The following KIAA1217 variants were observed in gnomAD, a reference collection of about 807,000 sequenced individuals.
KIAA1217 encodes the protein sickle tail protein homolog.
In KIAA1217, 88 loss-of-function variants were observed where a neutral mutation model predicts 163.9. The ratio of observed to expected loss-of-function variants is 0.54; its 90% confidence interval spans 0.45 to 0.64. The LOEUF is 0.64. KIAA1217 is among the 30% of genes least tolerant of loss of function. KIAA1217 has a pLI of 0.00. For missense variants in KIAA1217, 2,372 were observed against 2,475.0 expected (o/e 0.96, Z 0.88); for synonymous variants, 903 against 923.1 (o/e 0.98, Z 0.39).
chr10:24,341,722 T>G (rs1213397445), intron 2 of KIAA1217, among the ~76,000 whole-genome samples: 1 of 152,184 alleles, frequency 6.6e-6, no homozygotes, highest in East Asian at 1.9e-4. Flanking sequence ...TTTCAGGAGA[T>G]CTAGAATTTC....
chr10:23,977,987 C>T (rs1845609339), intron 1 of KIAA1217, among the ~76,000 whole-genome samples: 1 of 152,172 alleles, frequency 6.6e-6, no homozygotes, highest in Admixed American at 6.5e-5. Flanking sequence ...TTTGCAGCTC[C>T]TAGTAATTGT....
Position 24,329,124 on chromosome 10 carries a change from G to GTA in KIAA1217, c.355-51736_355-51735dup, listed in dbSNP as rs1049034060. On this transcript the variant is annotated intron_variant, in intron 2 of 20. Transcript: ENST00000376454. ...AATTAGTATATAATTATACTGGAGT[G>GTA]TATATATATACTATAAATATATACA... Among the ~76,000 whole-genome samples the GTA allele has an allele frequency of 1.3e-4, 19 of 146,524 alleles. No homozygotes were observed. In the South Asian group the frequency reaches 1.7e-3, roughly 13 times the overall value.
intron 1 of KIAA1217, among the ~76,000 whole-genome samples, chr10:23,931,006 CT>C (rs759966470): frequency 2.0e-5 from 3 of 152,142 alleles, no homozygotes; most frequent in Non-Finnish European, 4.4e-5. Flanking sequence ...TCTGGTGGAA[CT>C]ATCATCATAT....
chr10:24,068,258 G>A (rs1335289289), intron 2 of KIAA1217, among the ~76,000 whole-genome samples: 3 of 152,168 alleles, frequency 2.0e-5, no homozygotes, highest in African/African-American at 4.8e-5. Flanking sequence ...GTAGACTGGA[G>A]CTGTTTCTAT....
chr10:24,431,086 T>C (rs1186763243), intron 3 of KIAA1217, among the ~76,000 whole-genome samples: 4 of 152,224 alleles, frequency 2.6e-5, no homozygotes, highest in Non-Finnish European at 5.9e-5. Flanking sequence ...ATCAGCTTGC[T>C]CTTGTCTACT....
intron 2 of KIAA1217, among the ~76,000 whole-genome samples, chr10:24,079,636 T>A (rs946001163): frequency 2.6e-5 from 4 of 152,176 alleles, no homozygotes; most frequent in Non-Finnish European, 5.9e-5. Context: ...GCATAAGACA[T>A]TATCCATTCC....
At chr10:24,013,913 C>T (rs1589234407) in intron 2 of KIAA1217, among the ~76,000 whole-genome samples, 1 of 152,078 alleles carries the variant, frequency 6.6e-6, no homozygotes, top group African/African-American at 2.4e-5. Context: ...CGCCAAGAGC[C>T]AGCACCTTAG....
intron 2 of KIAA1217, among the ~76,000 whole-genome samples, chr10:24,342,287 G>A (rs1239738704): frequency 2.6e-5 from 4 of 152,188 alleles, no homozygotes; most frequent in Admixed American, 2.6e-4. Context: ...TTTAGTAGAA[G>A]ACTGTGACAA....
intron 3 of KIAA1217, among the ~76,000 whole-genome samples, chr10:24,381,701 T>C (rs1030638555): frequency 1.5e-4 from 23 of 152,136 alleles, no homozygotes; most frequent in Admixed American, 5.2e-4. Context: ...CTATAGGAAA[T>C]TGTGAGGAAC....
chr10:24,387,242 G>C (rs1246431728), intron 3 of KIAA1217, among the ~76,000 whole-genome samples: 2 of 152,172 alleles, frequency 1.3e-5, no homozygotes, highest in East Asian at 1.9e-4. Flanking sequence ...ATGCAAGGCT[G>C]GTTCAACTTA....
chr10:24,283,652 C>T (rs1017387023), intron 2 of KIAA1217, among the ~76,000 whole-genome samples: 14 of 151,984 alleles, frequency 9.2e-5, no homozygotes, highest in East Asian at 7.7e-4. Flanking sequence ...AGGAACAAAG[C>T]GACACTCCAT....
chr10:24,335,386 T>TG (rs2046213047), intron 2 of KIAA1217, among the ~76,000 whole-genome samples: 1 of 148,934 alleles, frequency 6.7e-6, no homozygotes. Flanking sequence ...TCCGTCTCCC[T>TG]GGTTCAAGCA....
At chr10:23,718,850 GGGAGAGAGAGAGAGA>G (rs1237938258) in intron 1 of KIAA1217, among the ~76,000 whole-genome samples, 1 of 148,954 alleles carries the variant, frequency 6.7e-6, no homozygotes, top group African/African-American at 2.6e-5. Context: ...GGGAGGGAGG[GGGAGAGAGAGAGAGA>G]AGAGAGAGAG....
At chr10:23,836,737 C>T (rs1400081104) in intron 1 of KIAA1217, among the ~76,000 whole-genome samples, 3 of 151,100 alleles carry the variant, frequency 2.0e-5, no homozygotes, top group Non-Finnish European at 4.4e-5. Flanking sequence ...CCAGCCTGGG[C>T]AACATAATGA....
At chr10:24,545,700 C>A (rs1478953852) in intron 20 of KIAA1217, 127 bp from the exon 21 acceptor site, 5 of 1,485,436 alleles carry the variant, frequency 3.4e-6, no homozygotes, top group African/African-American at 2.8e-5. Flanking sequence ...TTAGCTCAGG[C>A]CTTGAACTGT....
chr10:24,211,684 G>C (rs1257016296), intron 1 of KIAA1217, among the ~76,000 whole-genome samples: 1 of 151,724 alleles, frequency 6.6e-6, no homozygotes, highest in African/African-American at 2.4e-5. Context: ...ACTGGGTGCT[G>C]TATTGAGCAC....
At chr10:24,524,239 G>C in intron 12 of KIAA1217, 84 bp from the exon 13 acceptor site, 1 of 1,420,166 alleles carries the variant, frequency 7.0e-7, no homozygotes, top group Non-Finnish European at 9.7e-7. Context: ...ACTCTCACCT[G>C]GCTTTGGGAT....
intron 1 of KIAA1217, among the ~76,000 whole-genome samples, chr10:23,888,478 T>G (rs1841281103): frequency 6.6e-6 from 1 of 151,902 alleles, no homozygotes; most frequent in South Asian, 2.1e-4. Context: ...TTTTGAAATT[T>G]AGGGTCAATA....
intron 2 of KIAA1217, among the ~76,000 whole-genome samples, chr10:24,077,689 G>A (rs1201925607): frequency 6.6e-6 from 1 of 152,214 alleles, no homozygotes; most frequent in Non-Finnish European, 1.5e-5. Flanking sequence ...TCCTCTGGAT[G>A]TATAACTGGT....
Sources: allele counts gnomAD v4.1 joint callset (sites outside exome capture counted in the v4.1 genomes callset), GRCh38; gene constraint gnomAD v4.1.1; transcripts MANE v1.5; gene names NCBI Gene and HGNC (gene_info 2026-07-23, HGNC 2026-07-21).